MTMR6: variants seen among roughly 807,000 people sequenced by gnomAD.
MTMR6 encodes phosphatidylinositol-3,5-bisphosphate 3-phosphatase MTMR6.
A neutral mutation model predicts 80.1 loss-of-function variants in MTMR6; 47 were observed. That is an observed-to-expected ratio of 0.59 (90% CI 0.46 to 0.75). The LOEUF (loss-of-function observed/expected upper bound fraction) is 0.75, where lower values mean the gene tolerates loss of function less well. MTMR6 is among the 30% of genes least tolerant of loss of function. MTMR6 has a pLI of 0.00. For missense variants in MTMR6, 629 were observed against 730.9 expected, an observed-to-expected ratio of 0.86 and a Z score of 1.61; for synonymous variants, 254 against 253.0, an observed-to-expected ratio of 1.00 and a Z score of -0.04.
chr13:25,285,399 C>CT (rs902941446), intron 1 of MTMR6, among the ~76,000 whole-genome samples: 1 of 138,710 alleles, frequency 7.2e-6, no homozygotes, highest in Admixed American at 7.2e-5. Context: ...GCCCCCCCCC[C>CT]CCCAATTATG....
chr13:25,284,456 T>A (rs1957917376), intron 1 of MTMR6, among the ~76,000 whole-genome samples: 1 of 152,186 alleles, frequency 6.6e-6, no homozygotes, highest in Non-Finnish European at 1.5e-5. Flanking sequence ...TATTATAAAG[T>A]AATAATATTG....
rs1405200714 is a variant in MTMR6, at chr13:25,249,370, T to C, written c.1728A>G (p.Leu576=). The change falls in exon 14 of 14, where the codon CTA becomes CTG. Residue 576 remains leucine (L), a synonymous_variant. Transcript: ENST00000381801. Reference sequence around the variant, plus strand: ...TAGTTCGAAGAGCATCATTTACGGGTAGCAGAGTCTGCTCTTTAAAACACA... The same window carrying C: ...TAGTTCGAAGAGCATCATTTACGGGCAGCAGAGTCTGCTCTTTAAAACACA... The part of the protein sequence containing the change: ...TSLCFKEQTL[L]PVNDALRTIE... 3.7e-6 allele frequency: 6 copies of C among 1,614,162 alleles called. No individual in the cohort carries two copies. Among genetic ancestry groups the C allele is most frequent in the Middle Eastern group, 1.6e-4 (1 of 6,062 alleles).
intron 1 of MTMR6, among the ~76,000 whole-genome samples, chr13:25,274,939 G>GACAGACACACACACACAT (rs141646990): frequency 2.3e-5 from 1 of 42,968 alleles, no homozygotes; most frequent in African/African-American, 5.7e-5. Flanking sequence ...CTAGTAGACA[G>GACAGACACACACACACAT]ACACACACAC....
intron 1 of MTMR6, among the ~76,000 whole-genome samples, chr13:25,279,331 C>T (rs1036854822): frequency 3.3e-5 from 5 of 152,078 alleles, no homozygotes; most frequent in African/African-American, 1.2e-4. Context: ...CTCTCTCCTG[C>T]CACCATGAGA....
intron 6 of MTMR6, chr13:25,260,599 A>C (rs2137546558): frequency 7.8e-7 from 1 of 1,285,946 alleles, no homozygotes; most frequent in East Asian, 5.6e-5. Flanking sequence ...GCTTTCTCTT[A>C]TTTTCTCATC....
chr13:25,259,443 G>A (rs543611451), intron 6 of MTMR6, among the ~76,000 whole-genome samples: 1 of 152,086 alleles, frequency 6.6e-6, no homozygotes, highest in Non-Finnish European at 1.5e-5. Context: ...TGGATAAAAC[G>A]AAGCCTAAAT....
At chr13:25,259,804 C>T (rs1957291790) in intron 6 of MTMR6, among the ~76,000 whole-genome samples, 1 of 151,962 alleles carries the variant, frequency 6.6e-6, no homozygotes, top group South Asian at 2.1e-4. Flanking sequence ...GAGATATCAC[C>T]AACACTCTCA....
At chr13:25,256,984 C>A (rs1399915147) in intron 9 of MTMR6, among the ~76,000 whole-genome samples, 1 of 152,080 alleles carries the variant, frequency 6.6e-6, no homozygotes, top group Non-Finnish European at 1.5e-5. Context: ...ACATTACAGG[C>A]CAGATCAGTC....
intron 8 of MTMR6, 75 bp downstream of exon 8, chr13:25,257,661 G>C (rs945223247): frequency 1.9e-6 from 2 of 1,031,682 alleles, no homozygotes; most frequent in Non-Finnish European, 2.9e-6. Context: ...ATAGATACCA[G>C]CCCCCAACAG....
At chr13:25,285,111 T>C (rs1182192994) in intron 1 of MTMR6, among the ~76,000 whole-genome samples, 1 of 152,222 alleles carries the variant, frequency 6.6e-6, no homozygotes, top group Non-Finnish European at 1.5e-5. Context: ...ATCAGAGCAT[T>C]ACTTGAAGAA....
In MTMR6 at chr13:25,253,901, A is replaced by G; in HGVS notation, c.1209T>C (p.Cys403=). The G allele has an allele frequency of 6.2e-7, 1 of 1,614,184 alleles. No individual in the cohort carries two copies. The highest frequency in any genetic ancestry group is 8.5e-7 in the Non-Finnish European group (1 of 1,180,030). The part of the protein sequence containing the change: ...VSPVFTQFLE[C]VWHLTEQFPQ... Reference sequence around the variant, plus strand: ...GAAACTGTTCGGTCAAATGCCACACACATTCCAAGAACTGAGTAAACACTG... The same window carrying G: ...GAAACTGTTCGGTCAAATGCCACACGCATTCCAAGAACTGAGTAAACACTG... The change falls in exon 11 of 14, where the codon TGT becomes TGC. Residue 403 remains cysteine, a synonymous_variant. Transcript: ENST00000381801.
At chr13:25,261,454 A>G (rs934510853) in intron 6 of MTMR6, among the ~76,000 whole-genome samples, 1 of 152,026 alleles carries the variant, frequency 6.6e-6, no homozygotes, top group Non-Finnish European at 1.5e-5. Context: ...TATATATATC[A>G]GAAGATGTAA....
Position 25,254,108 on chromosome 13 carries a change from T to C in MTMR6, c.1146-144A>G, listed in dbSNP as rs1035760532. On this transcript the variant is annotated intron_variant, in intron 10 of 13. Transcript: ENST00000381801. ...CTAGAATTTTTATTGAAACCATTTA[T>C]GAGTTTTTAAACCACAGCTTTAAAG... 5.6e-6 allele frequency: 5 copies of C among 893,932 alleles called. No individual in the cohort carries two copies. In the Admixed American group the frequency reaches 1.5e-4, roughly 26 times the overall value. The allele number at this position is 893,932 out of a possible 1,614,324, so 55.4% of individuals were successfully genotyped here. A position where few individuals can be genotyped will look rare whatever the true frequency, so the allele number is the denominator to read the frequency against.
intron 1 of MTMR6, among the ~76,000 whole-genome samples, chr13:25,284,274 C>G (rs1957914577): frequency 6.6e-6 from 1 of 152,190 alleles, no homozygotes; most frequent in Admixed American, 6.5e-5. Flanking sequence ...TTAAACACAC[C>G]TTAGTTTAAA....
At chr13:25,282,340 A>T (rs1398727393) in intron 1 of MTMR6, among the ~76,000 whole-genome samples, 1 of 152,148 alleles carries the variant, frequency 6.6e-6, no homozygotes. Flanking sequence ...TATCCACAGC[A>T]TTTACCACCA....
Position 25,287,349 on chromosome 13 carries a change from C to T in MTMR6, c.-102G>A, listed in dbSNP as rs1957975228. The T allele has an allele frequency of 6.9e-7, 1 of 1,455,242 alleles. No individual in the cohort carries two copies. Among genetic ancestry groups the T allele is most frequent in the South Asian group, 1.2e-5 (1 of 82,338 alleles). 90.1% of individuals were successfully genotyped at this position (1,455,242 alleles called of 1,614,324 possible). A position where few individuals can be genotyped will look rare whatever the true frequency, so the allele number is the denominator to read the frequency against. ...GAGAGCAAGCGGGAACTCCCTCCAC[C>T]AGCCAGCGCCGCGGGTCTGTCTGCC... On this transcript the variant is annotated 5_prime_UTR_variant, in exon 1 of 14. Coordinates refer to ENST00000381801, the MANE Select transcript of MTMR6 (RefSeq NM_004685.5).
chr13:25,258,782 C>T, intron 6 of MTMR6, 90 bp from the exon 7 acceptor site: 1 of 1,187,656 alleles, frequency 8.4e-7, no homozygotes, highest in Middle Eastern at 3.0e-4. Flanking sequence ...AGTATTTTAG[C>T]TAGGAGGCAG....
intron 6 of MTMR6, among the ~76,000 whole-genome samples, chr13:25,258,976 T>C (rs902167582): frequency 1.3e-5 from 2 of 152,196 alleles, no homozygotes; most frequent in African/African-American, 4.8e-5. Context: ...TCCATATGTT[T>C]GTAATATTTT....
intron 1 of MTMR6, among the ~76,000 whole-genome samples, chr13:25,283,706 G>T (rs1470043888): frequency 1.3e-5 from 2 of 152,170 alleles, no homozygotes; most frequent in African/African-American, 4.8e-5. Context: ...CTTAAAAAAG[G>T]TTCTTCCATT....
Sources: gnomAD v4.1 joint callset for allele counts (sites outside exome capture counted in the v4.1 genomes callset) on GRCh38, gnomAD v4.1.1 for gene constraint, MANE v1.5 for transcripts, NCBI Gene and HGNC (gene_info 2026-07-23, HGNC 2026-07-21) for gene names.